The following AGL variants were observed in gnomAD, a reference collection of about 807,000 sequenced individuals.
AGL encodes the protein glycogen debranching enzyme.
In AGL, 128 loss-of-function variants were observed where a neutral mutation model predicts 199.3. That is an observed-to-expected ratio of 0.64 (90% CI 0.56 to 0.74). The LOEUF is 0.74. Ranked by LOEUF, AGL falls within the 30% of genes least tolerant of loss-of-function variation. The pLI is 0.00. For missense variants in AGL, 1,809 were observed against 1,820.8 expected (o/e 0.99, Z 0.12); for synonymous variants, 584 against 594.7 (o/e 0.98, Z 0.26).
chr1:99,852,775 AT>A (rs1649087207), intron 2 of AGL: 2 of 775,782 alleles, frequency 2.6e-6, no homozygotes, highest in Non-Finnish European at 2.4e-6. Flanking sequence ...TAATACATGA[AT>A]TTTTTGTGAT....
chr1:99,866,214 A>G (rs1291082073), intron 5 of AGL, among the ~76,000 whole-genome samples: 2 of 152,224 alleles, frequency 1.3e-5, no homozygotes, highest in Admixed American at 1.3e-4. Context: ...AGGGCATTTT[A>G]TGAGTTATAA....
intron 20 of AGL, among the ~76,000 whole-genome samples, chr1:99,885,298 C>G (rs1018462171): frequency 6.6e-6 from 1 of 152,182 alleles, no homozygotes; most frequent in Non-Finnish European, 1.5e-5. Context: ...TTAGAACTTT[C>G]ATCATCTCAG....
chr1:99,908,946 G>A (rs1654526333), intron 27 of AGL, among the ~76,000 whole-genome samples: 1 of 152,136 alleles, frequency 6.6e-6, no homozygotes. Context: ...ACCTTTGGGT[G>A]TGTTAATGCT....
At position 99,891,357 on chromosome 1, in the gene AGL, G is replaced by A; in HGVS notation, c.2949+1G>A. ...TTCACGATCAGGAACTATTGCTGAA[G>A]TAAGTAGAGCTATATTATCGTCCCA... On this transcript the variant is annotated splice_donor_variant, in intron 22 of 33. Coordinates refer to ENST00000361915, the MANE Select transcript of AGL (RefSeq NM_000642.3). LOFTEE classifies it high-confidence loss of function. The A allele has an allele frequency of 6.2e-7, 1 of 1,613,448 alleles. No individual in the cohort carries two copies. The highest frequency in any genetic ancestry group is 1.3e-5 in the African/African-American group (1 of 74,992).
Position 99,901,388 on chromosome 1 carries a change from A to G in AGL, c.3588+527A>G, listed in dbSNP as rs929858359. On this transcript the variant is annotated intron_variant, in intron 26 of 33. Coordinates refer to ENST00000361915, the MANE Select transcript of AGL (RefSeq NM_000642.3). ...TAGCAAAACTCAGTCTCTTTAAAAA[A>G]AAAAAAAAAAAAAAAAAGAGGAAAG... Among the ~76,000 whole-genome samples, 37 of 151,044 alleles carry G rather than the reference A, an allele frequency of 2.4e-4. No individual in the cohort carries two copies. In the East Asian group the frequency reaches 7.0e-3, roughly 28 times the overall value.
At chr1:99,863,199 A>G (rs1034068123) in intron 4 of AGL, among the ~76,000 whole-genome samples, 27 of 151,962 alleles carry the variant, frequency 1.8e-4, no homozygotes, top group African/African-American at 6.5e-4. Context: ...TGGCCTCCCA[A>G]AGTGCTGGGA....
chr1:99,907,680 G>GTT (rs1553191673), intron 27 of AGL, among the ~76,000 whole-genome samples: 2 of 46,988 alleles, frequency 4.3e-5, no homozygotes, highest in African/African-American at 1.3e-4. Flanking sequence ...TTGTTCGTTT[G>GTT]TTTTTGTTTT....
intron 21 of AGL, 91 bp downstream of exon 21, chr1:99,888,199 T>C (rs1652603776): frequency 6.5e-7 from 1 of 1,535,800 alleles, no homozygotes; most frequent in Non-Finnish European, 8.9e-7. Flanking sequence ...GCTCAGAGTA[T>C]GCCTACTTGG....
intron 2 of AGL, among the ~76,000 whole-genome samples, chr1:99,856,900 T>C (rs565464138): frequency 6.6e-6 from 1 of 152,356 alleles, no homozygotes; most frequent in South Asian, 2.1e-4. Context: ...CTCCCCCTTT[T>C]CTATTCCACA....
chr1:99,862,173 C>A lies in AGL; in HGVS notation c.294-84C>A, dbSNP rs1177563767. 4 of 1,304,562 alleles carry A rather than the reference C, an allele frequency of 3.1e-6. No individual in the cohort carries two copies. In the African/African-American group the frequency reaches 5.9e-5, roughly 19 times the overall value. 80.8% of individuals were successfully genotyped at this position (1,304,562 alleles called of 1,614,324 possible). ...ATACATTTTATTTGGGACAATTAAC[C>A]TTTTAGTTAGAGTCAGACTATATTA... On this transcript the variant is annotated intron_variant, in intron 3 of 33. Transcript: ENST00000361915.
rs72960602 is a variant in AGL at position 99,852,417 on chromosome 1, C to G, written c.82+1293C>G. On this transcript the variant is annotated intron_variant, in intron 2 of 33. Transcript: ENST00000361915. The stretch of plus-strand genomic sequence containing the variant: ...ACAGGGTCTTACTCTGTTGCCCAAG[C>G]TGAGTGTTGTGGCATGATCATGGCT... 1,216 of 366,424 alleles carry G rather than the reference C, an allele frequency of 3.3e-3. 13 individuals carry two copies. Among genetic ancestry groups the G allele is most frequent in the African/African-American group, 0.026 (1,132 of 44,312 alleles). 22.7% of individuals were successfully genotyped at this position (366,424 alleles called of 1,614,324 possible). A position where few individuals can be genotyped will look rare whatever the true frequency, so the allele number is the denominator to read the frequency against.
intron 2 of AGL, among the ~76,000 whole-genome samples, chr1:99,854,763 CAAA>C (rs11368135): frequency 7.1e-5 from 6 of 84,166 alleles, no homozygotes; most frequent in Admixed American, 1.4e-4. Context: ...GATGCCGTCT[CAAA>C]AAAAAAAAAA....
intron 5 of AGL, among the ~76,000 whole-genome samples, chr1:99,867,953 C>G (rs1231978466): frequency 1.3e-5 from 2 of 152,178 alleles, no homozygotes; most frequent in Admixed American, 1.3e-4. Flanking sequence ...CCCATTTGCC[C>G]TGGAAAAGGT....
intron 8 of AGL, among the ~76,000 whole-genome samples, 153 bp downstream of exon 8, chr1:99,874,963 C>G (rs962046343): frequency 5.9e-5 from 9 of 152,076 alleles, no homozygotes; most frequent in Non-Finnish European, 7.4e-5. Flanking sequence ...GACATTTTCC[C>G]ACTTTTTCTG....
At position 99,900,701 on chromosome 1, in the gene AGL, G is replaced by T. The variant is rs773302795; in HGVS notation, c.3428G>T (p.Gly1143Val). The T allele has an allele frequency of 1.2e-6, 2 of 1,614,104 alleles. No homozygotes were observed. Among genetic ancestry groups the T allele is most frequent in the East Asian group, 4.5e-5 (2 of 44,870 alleles). Residue 1143 changes from glycine to valine, a missense_variant, in exon 26 of 34, where the codon GGA becomes GTA. Gly to Val is a moderately radical substitution (Grantham distance 109). Coordinates refer to ENST00000361915, the MANE Select transcript of AGL (RefSeq NM_000642.3). ...CTCATTCCTAATCTACTGGGTGAAG[G>T]AATTTATGCCAGATACAATTGTCGG... ...HGLIPNLLGE[G>V]IYARYNCRDA...
At chr1:99,864,259 T>C in intron 4 of AGL, 127 bp from the exon 5 acceptor site, 1 of 862,252 alleles carries the variant, frequency 1.2e-6, no homozygotes, top group South Asian at 1.5e-5. Flanking sequence ...GTTTGACCTC[T>C]TTTCCAGTAG....
In AGL at chr1:99,900,824, C is replaced by T. The variant is rs374498927; in HGVS notation, c.3551C>T (p.Pro1184Leu). 22 of 1,613,036 alleles carry T rather than the reference C, an allele frequency of 1.4e-5. No individual in the cohort carries two copies. Among genetic ancestry groups the T allele is most frequent in the Non-Finnish European group, 1.9e-5 (22 of 1,179,600 alleles). The change falls in exon 26 of 34, where the codon CCT becomes CTT. Residue 1184 changes from proline to leucine, a missense_variant. By Grantham distance (98) the Pro-to-Leu change is moderately conservative. Transcript: ENST00000361915. ...AAGTGCCCAGTTTCCAGAATGTATC[C>T]TACAGATGATTCTGCTCCTTTGCCT... ...ILKCPVSRMY[P>L]TDDSAPLPAG... is the part of the protein sequence containing the mutation.
At chr1:99,873,313 T>C (rs1023480915) in intron 7 of AGL, among the ~76,000 whole-genome samples, 1 of 152,196 alleles carries the variant, frequency 6.6e-6, no homozygotes, top group African/African-American at 2.4e-5. Flanking sequence ...ATACAAAATA[T>C]ACATCTGTTA....
chr1:99,909,368 AG>A (rs1309739021), intron 27 of AGL, among the ~76,000 whole-genome samples: 2 of 152,108 alleles, frequency 1.3e-5, no homozygotes, highest in African/African-American at 4.8e-5. Context: ...CTGCTGAGGA[AG>A]GGGAGCACTG....
Sources: allele counts gnomAD v4.1 joint callset (sites outside exome capture counted in the v4.1 genomes callset), GRCh38; gene constraint gnomAD v4.1.1; transcripts MANE v1.5; gene names NCBI Gene and HGNC (gene_info 2026-07-23, HGNC 2026-07-21).